The following RXFP1 variants were observed in gnomAD, a reference collection of about 807,000 sequenced individuals.
RXFP1 encodes the protein relaxin receptor 1.
In RXFP1, 73 loss-of-function variants were observed where a neutral mutation model predicts 89.8. The observed-to-expected ratio is 0.81, with a 90% CI of 0.67 to 0.99. RXFP1 has a LOEUF of 0.99. RXFP1 is among the 50% of genes least tolerant of loss of function. The pLI is 0.00. For synonymous variants in RXFP1, 277 were observed against 305.5 expected, an observed-to-expected ratio of 0.91 and a Z score of 0.97; for missense variants, 793 against 895.5, an observed-to-expected ratio of 0.89 and a Z score of 1.46.
chr4:158,563,089 T>C (rs1482992051), intron 1 of RXFP1, among the ~76,000 whole-genome samples: 1 of 152,196 alleles, frequency 6.6e-6, no homozygotes, highest in African/African-American at 2.4e-5. Context: ...GATATGAGTT[T>C]CCCCAGGGAA....
intron 1 of RXFP1, among the ~76,000 whole-genome samples, chr4:158,548,859 C>A (rs1057010318): frequency 6.6e-6 from 1 of 152,126 alleles, no homozygotes; most frequent in African/African-American, 2.4e-5. Flanking sequence ...GGTAACCCGA[C>A]CTTTCTCTCT....
chr4:158,596,855 T>C (rs1042840055), intron 3 of RXFP1, among the ~76,000 whole-genome samples: 2 of 151,930 alleles, frequency 1.3e-5, no homozygotes, highest in African/African-American at 4.8e-5. Flanking sequence ...AACAAACAAA[T>C]GGGGAAAAAC....
intron 12 of RXFP1, among the ~76,000 whole-genome samples, chr4:158,636,369 G>A (rs7698657): frequency 0.28 from 41,857 of 151,824 alleles, 9,851 homozygotes; most frequent in African/African-American, 0.64. Context: ...ATTTCATTTT[G>A]TTTAAACCAT....
At chr4:158,638,181 C>A in intron 13 of RXFP1, 102 bp downstream of exon 13, 2 of 674,028 alleles carry the variant, frequency 3.0e-6, no homozygotes, top group Non-Finnish European at 4.9e-6. Flanking sequence ...GCTTTATTTC[C>A]AAGACATTAG....
At chr4:158,566,509 G>T (rs974493370) in intron 1 of RXFP1, among the ~76,000 whole-genome samples, 3 of 151,850 alleles carry the variant, frequency 2.0e-5, no homozygotes, top group Non-Finnish European at 4.4e-5. Context: ...GATTACAGGC[G>T]CCCGCCATCA....
chr4:158,543,737 A>G, intron 1 of RXFP1: 1 of 982,714 alleles, frequency 1.0e-6, no homozygotes, highest in Non-Finnish European at 1.2e-6. Context: ...CTGAAGAATG[A>G]ACTTTCAAAC....
chr4:158,593,370 G>T, intron 2 of RXFP1, 31 bp from the exon 3 acceptor site: 1 of 1,415,004 alleles, frequency 7.1e-7, no homozygotes, highest in Non-Finnish European at 1.0e-6. Flanking sequence ...TCTGTTCCTT[G>T]AACTTTTTTG....
At chr4:158,585,297 T>C (rs1244541501) in intron 2 of RXFP1, among the ~76,000 whole-genome samples, 3 of 152,212 alleles carry the variant, frequency 2.0e-5, no homozygotes, top group African/African-American at 7.2e-5. Flanking sequence ...TTCCCAAACA[T>C]ATGTTACCAT....
chr4:158,618,688 T>G (rs1158317743), intron 9 of RXFP1, among the ~76,000 whole-genome samples: 1 of 151,984 alleles, frequency 6.6e-6, no homozygotes, highest in African/African-American at 2.4e-5. Flanking sequence ...TGGCCAAACA[T>G]CATTTTAACT....
intron 10 of RXFP1, among the ~76,000 whole-genome samples, chr4:158,628,180 T>C (rs146813093): frequency 6.6e-6 from 1 of 152,266 alleles, no homozygotes; most frequent in East Asian, 1.9e-4. Flanking sequence ...AAATTAGAGA[T>C]TCTTCTAAAG....
In RXFP1 at chr4:158,534,467, G is replaced by A. The variant is rs542720124; in HGVS notation, c.49+12442G>A. Among the ~76,000 whole-genome samples, 155 of 152,002 alleles carry A rather than the reference G, an allele frequency of 1.0e-3. 1 individual carries two copies. The highest frequency in any genetic ancestry group is 1.5e-3 in the East Asian group (8 of 5,168). ...TCTCCATGTTGGTCAGGTTGGTCTCGAACTCCTGACCTCAGGTGATCCGCC... is the reference window on the plus strand; with the variant it reads ...TCTCCATGTTGGTCAGGTTGGTCTCAAACTCCTGACCTCAGGTGATCCGCC... On this transcript the variant is annotated intron_variant, in intron 1 of 17. Coordinates refer to ENST00000307765, the MANE Select transcript of RXFP1 (RefSeq NM_021634.4).
At chr4:158,527,016 T>G (rs1246170990) in intron 1 of RXFP1, among the ~76,000 whole-genome samples, 2 of 152,160 alleles carry the variant, frequency 1.3e-5, no homozygotes, top group East Asian at 3.8e-4. Flanking sequence ...AGCTCCTGTT[T>G]CCAAATGCAG....
At chr4:158,534,096 G>A (rs973189327) in intron 1 of RXFP1, among the ~76,000 whole-genome samples, 11 of 151,416 alleles carry the variant, frequency 7.3e-5, no homozygotes, top group Non-Finnish European at 2.9e-5. Flanking sequence ...ACTCGATCAC[G>A]TTCTTCTCTA....
At chr4:158,617,710 AC>A (rs1469586386) in intron 9 of RXFP1, among the ~76,000 whole-genome samples, 1 of 152,156 alleles carries the variant, frequency 6.6e-6, no homozygotes, top group Non-Finnish European at 1.5e-5. Flanking sequence ...TTAGAACTCA[AC>A]CATCCAGTAA....
chr4:158,585,058 C>G (rs188404700), intron 2 of RXFP1, among the ~76,000 whole-genome samples: 1 of 152,282 alleles, frequency 6.6e-6, no homozygotes, highest in Admixed American at 6.5e-5. Flanking sequence ...TTCAAGTTCC[C>G]AGGTGATGCT....
chr4:158,629,819 GTC>G (rs1023951709), intron 11 of RXFP1, among the ~76,000 whole-genome samples: 1 of 151,794 alleles, frequency 6.6e-6, no homozygotes, highest in African/African-American at 2.4e-5. Flanking sequence ...TAGAGACAGG[GTC>G]TCTGTGTTGC....
intron 17 of RXFP1, among the ~76,000 whole-genome samples, chr4:158,650,465 T>C (rs1026460023): frequency 1.3e-5 from 2 of 148,354 alleles, no homozygotes; most frequent in African/African-American, 2.6e-5. Flanking sequence ...CAGTTTGTAT[T>C]CACATTTTAA....
In RXFP1 at chr4:158,574,636, A is replaced by G. The variant is rs962260450; in HGVS notation, c.187+1801A>G. 2.6e-5 allele frequency among the ~76,000 whole-genome samples: 4 copies of G among 152,364 alleles called. No individual in the cohort carries two copies. The South Asian group carries it at 8.3e-4, about 32-fold the overall frequency. ...TCATTTTCACTTTATGAGCAATCCT[A>G]TAATACATGCCTCTGAGCTTTCTTA... On this transcript the variant is annotated intron_variant, in intron 2 of 17. Transcript: ENST00000307765.
At chr4:158,562,523 CAAA>C (rs55944906) in intron 1 of RXFP1, among the ~76,000 whole-genome samples, 39 of 25,324 alleles carry the variant, frequency 1.5e-3, no homozygotes, top group African/African-American at 2.4e-3. Context: ...GACTCCGTCT[CAAA>C]AAAAAAAAAA....
Sources: allele counts gnomAD v4.1 joint callset (sites outside exome capture counted in the v4.1 genomes callset), GRCh38; gene constraint gnomAD v4.1.1; transcripts MANE v1.5; gene names NCBI Gene and HGNC (gene_info 2026-07-23, HGNC 2026-07-21).